SGCZ: variants seen among roughly 807,000 people sequenced by gnomAD.
The protein encoded by SGCZ is sarcoglycan zeta.
Under a neutral mutation model 41.3 loss-of-function variants are expected in SGCZ, and 40 were observed. The ratio of observed to expected loss-of-function variants is 0.97; its 90% CI spans 0.75 to 1.26. The LOEUF (loss-of-function observed/expected upper bound fraction) is 1.26, where lower values mean the gene tolerates loss of function less well. Ranked by LOEUF, SGCZ falls within the 50% of genes most tolerant of loss-of-function variation. The pLI is 0.00. For missense variants in SGCZ, 552 were observed against 369.8 expected (o/e 1.49, Z -4.04); for synonymous variants, 206 against 137.5 (o/e 1.50, Z -3.49).
At chr8:14,393,481 G>A (rs944803760) in intron 2 of SGCZ, among the ~76,000 whole-genome samples, 2 of 152,064 alleles carry the variant, frequency 1.3e-5, no homozygotes, top group African/African-American at 4.8e-5. Flanking sequence ...ACGGTGGGGC[G>A]ACCAACCTTC....
intron 2 of SGCZ, among the ~76,000 whole-genome samples, chr8:14,391,805 G>C (rs1481740612): frequency 6.6e-6 from 1 of 152,146 alleles, no homozygotes; most frequent in Non-Finnish European, 1.5e-5. Context: ...TGTACAGGAA[G>C]CATAGCAGCT....
intron 1 of SGCZ, among the ~76,000 whole-genome samples, chr8:14,821,289 C>G (rs7008090): frequency 0.2 from 31,066 of 151,602 alleles, 4,254 homozygotes; most frequent in African/African-American, 0.37. Flanking sequence ...AAAAACTGAA[C>G]AGAACAATAA....
At chr8:14,590,633 A>T (rs1421569731) in intron 1 of SGCZ, among the ~76,000 whole-genome samples, 1 of 150,184 alleles carries the variant, frequency 6.7e-6, no homozygotes, top group Non-Finnish European at 1.5e-5. Flanking sequence ...CAAATGGCAA[A>T]ACCATTAAAA....
At chr8:14,104,456 C>G (rs1802139905) in intron 6 of SGCZ, among the ~76,000 whole-genome samples, 1 of 151,762 alleles carries the variant, frequency 6.6e-6, no homozygotes, top group Admixed American at 6.6e-5. Flanking sequence ...GCCTAAATCT[C>G]TAGAATTCTC....
intron 7 of SGCZ, among the ~76,000 whole-genome samples, chr8:14,090,915 TAAAC>T (rs1801670375): frequency 6.6e-6 from 1 of 152,126 alleles, no homozygotes; most frequent in African/African-American, 2.4e-5. Flanking sequence ...CCCAGTTACT[TAAAC>T]ACCACAGAAA....
chr8:14,276,660 T>C (rs1800244658), intron 3 of SGCZ, among the ~76,000 whole-genome samples: 1 of 152,144 alleles, frequency 6.6e-6, no homozygotes. Flanking sequence ...ATAATCTCTT[T>C]TCTTTCCAAT....
intron 3 of SGCZ, among the ~76,000 whole-genome samples, chr8:14,316,388 G>T (rs1452225022): frequency 6.6e-6 from 1 of 151,724 alleles, no homozygotes; most frequent in Non-Finnish European, 1.5e-5. Context: ...ATCTTTTCAG[G>T]TCATTTACTC....
intron 4 of SGCZ, among the ~76,000 whole-genome samples, chr8:14,188,655 C>T (rs1804984116): frequency 6.6e-6 from 1 of 152,108 alleles, no homozygotes; most frequent in East Asian, 1.9e-4. Context: ...TTAAAAACCA[C>T]TGCATTGTAC....
At chr8:14,698,883 G>A (rs1809047869) in intron 1 of SGCZ, among the ~76,000 whole-genome samples, 3 of 151,904 alleles carry the variant, frequency 2.0e-5, no homozygotes, top group South Asian at 4.1e-4. Context: ...GGGGTAGAAA[G>A]GTAGATCAAA....
At chr8:14,384,011 CACA>C (rs1454188571) in intron 2 of SGCZ, among the ~76,000 whole-genome samples, 1 of 150,818 alleles carries the variant, frequency 6.6e-6, no homozygotes, top group Non-Finnish European at 1.5e-5. Flanking sequence ...GGTACATGTG[CACA>C]ACATGTAGGT....
At chr8:14,772,889 C>T (rs913458460) in intron 1 of SGCZ, among the ~76,000 whole-genome samples, 1 of 151,854 alleles carries the variant, frequency 6.6e-6, no homozygotes, top group African/African-American at 2.4e-5. Context: ...AATAAACATA[C>T]CTGTGCATGT....
intron 2 of SGCZ, among the ~76,000 whole-genome samples, chr8:14,550,168 G>A (rs954726174): frequency 6.6e-6 from 1 of 151,862 alleles, no homozygotes; most frequent in Non-Finnish European, 1.5e-5. Flanking sequence ...CTTAGGAGAA[G>A]AGATAAATAA....
chr8:14,820,794 A>T (rs1488224262), intron 1 of SGCZ, among the ~76,000 whole-genome samples: 1 of 151,940 alleles, frequency 6.6e-6, no homozygotes, highest in Non-Finnish European at 1.5e-5. Context: ...GAGACAAACA[A>T]AAAGGGAAAC....
intron 1 of SGCZ, among the ~76,000 whole-genome samples, chr8:14,946,057 A>C: frequency 1.9e-5 from 1 of 52,290 alleles, no homozygotes; most frequent in Non-Finnish European, 3.8e-5. Context: ...TATATATATG[A>C]ATCATTCTGT....
chr8:14,106,979 G>T (rs577767665), intron 6 of SGCZ, among the ~76,000 whole-genome samples: 74 of 152,258 alleles, frequency 4.9e-4, no homozygotes, highest in African/African-American at 1.8e-3. Context: ...CACTTTGGGA[G>T]GCCGAGGAGG....
At position 14,679,271 on chromosome 8, in the gene SGCZ, T is replaced by C. The variant is rs185031639; in HGVS notation, c.40-124345A>G. 1.2e-3 allele frequency among the ~76,000 whole-genome samples: 187 copies of C among 152,234 alleles called. 1 individual carries two copies. The highest frequency in any genetic ancestry group is 4.2e-3 in the African/African-American group (174 of 41,568). ...TATTTTAGAGTGTGCTTCTTTTGCA[T>C]ACATATTTTTTTTAAAGTTAACTGT... On this transcript the variant is annotated intron_variant, in intron 1 of 7. Coordinates refer to ENST00000382080, the MANE Select transcript of SGCZ (RefSeq NM_139167.4).
At chr8:15,044,578 T>A (rs770221757) in intron 1 of SGCZ, among the ~76,000 whole-genome samples, 2 of 152,166 alleles carry the variant, frequency 1.3e-5, no homozygotes, top group Non-Finnish European at 2.9e-5. Context: ...TAAGAGACTT[T>A]TATTAGGATT....
chr8:15,004,996 C>T (rs929131528), intron 1 of SGCZ, among the ~76,000 whole-genome samples: 18 of 152,250 alleles, frequency 1.2e-4, no homozygotes, highest in African/African-American at 1.2e-4. Context: ...CAAATTGATA[C>T]TGATGTATGC....
chr8:14,672,581 T>A (rs948888755), intron 1 of SGCZ, among the ~76,000 whole-genome samples: 22 of 152,134 alleles, frequency 1.4e-4, no homozygotes, highest in Admixed American at 2.0e-4. Flanking sequence ...TGTAATAACA[T>A]AAATATAATG....
Sources: gnomAD v4.1 joint callset for allele counts (sites outside exome capture counted in the v4.1 genomes callset) on GRCh38, gnomAD v4.1.1 for gene constraint, MANE v1.5 for transcripts, NCBI Gene and HGNC (gene_info 2026-07-23, HGNC 2026-07-21) for gene names.